Variants in DISC1 observed in about 807,000 individuals in gnomAD.
DISC1 encodes DISC1 scaffold protein, also known as disrupted in schizophrenia 1 protein.
DISC1 carries 57 observed loss-of-function variants against 84.5 expected under a neutral mutation model. That is an observed-to-expected ratio of 0.67 (90% CI 0.55 to 0.84). DISC1 has a LOEUF of 0.84. DISC1 is among the 40% of genes least tolerant of loss of function. DISC1 has a pLI of 0.00. For synonymous variants in DISC1, 411 were observed against 415.2 expected (o/e 0.99, Z 0.12); for missense variants, 1,000 against 1,057.8 (o/e 0.95, Z 0.76).
intron 8 of DISC1, among the ~76,000 whole-genome samples, chr1:231,812,657 C>A (rs765568906): frequency 6.6e-6 from 1 of 152,170 alleles, no homozygotes; most frequent in Non-Finnish European, 1.5e-5. Flanking sequence ...TATTGGGATG[C>A]CATAGGTGGC....
chr1:231,866,094 G>T (rs73094825), intron 9 of DISC1, among the ~76,000 whole-genome samples: 1,524 of 151,844 alleles, frequency 0.01, 30 homozygotes, highest in African/African-American at 0.035. Context: ...TCTGAGCCTG[G>T]TGTGTGTGTG....
chr1:231,802,425 C>A (rs954157702), intron 8 of DISC1, among the ~76,000 whole-genome samples: 1 of 152,072 alleles, frequency 6.6e-6, no homozygotes, highest in African/African-American at 2.4e-5. Context: ...TTTCTTGAGG[C>A]CTTCCTAGCC....
At chr1:231,696,806 G>C (rs964629041) in intron 2 of DISC1, among the ~76,000 whole-genome samples, 1 of 152,182 alleles carries the variant, frequency 6.6e-6, no homozygotes, top group African/African-American at 2.4e-5. Flanking sequence ...TCTAGCCTAG[G>C]TGTGTAATGG....
At chr1:231,990,503 G>C (rs1200491519) in intron 10 of DISC1, among the ~76,000 whole-genome samples, 1 of 152,112 alleles carries the variant, frequency 6.6e-6, no homozygotes, top group African/African-American at 2.4e-5. Context: ...GTGATTGTTG[G>C]CACTGCTCTT....
At chr1:231,950,860 CCCTT>C (rs577983718) in intron 9 of DISC1, among the ~76,000 whole-genome samples, 5 of 152,178 alleles carry the variant, frequency 3.3e-5, no homozygotes, top group Non-Finnish European at 7.3e-5. Flanking sequence ...TGCCCACTCT[CCCTT>C]CCTGTCTAAG....
intron 10 of DISC1, 55 bp downstream of exon 10, chr1:231,958,943 T>C: frequency 6.5e-7 from 1 of 1,543,328 alleles, no homozygotes; most frequent in Non-Finnish European, 8.7e-7. Flanking sequence ...GATTCTTTAT[T>C]ATAACAGAAT....
At chr1:231,941,707 G>A (rs535421258) in intron 9 of DISC1, among the ~76,000 whole-genome samples, 32 of 152,058 alleles carry the variant, frequency 2.1e-4, no homozygotes, top group Non-Finnish European at 3.7e-4. Context: ...TCTTGACCTC[G>A]TGATCTGCCT....
intron 10 of DISC1, among the ~76,000 whole-genome samples, chr1:232,007,793 G>A (rs821612): frequency 0.27 from 41,440 of 151,980 alleles, 5,900 homozygotes; most frequent in African/African-American, 0.29. Context: ...GATATGGTTA[G>A]GCTTTGTGTC....
At chr1:231,993,716 C>A (rs1487063245) in intron 10 of DISC1, among the ~76,000 whole-genome samples, 1 of 152,022 alleles carries the variant, frequency 6.6e-6, no homozygotes, top group African/African-American at 2.4e-5. Flanking sequence ...CCACAGAAAA[C>A]AAACAGGCCA....
At chr1:232,003,410 A>T (rs1305848996) in intron 10 of DISC1, among the ~76,000 whole-genome samples, 1 of 152,182 alleles carries the variant, frequency 6.6e-6, no homozygotes, top group Non-Finnish European at 1.5e-5. Flanking sequence ...AGAAGCAGTT[A>T]GAAAATTTAA....
chr1:231,977,521 G>C (rs1662982745), intron 10 of DISC1, among the ~76,000 whole-genome samples: 1 of 152,108 alleles, frequency 6.6e-6, no homozygotes, highest in Non-Finnish European at 1.5e-5. Flanking sequence ...TCACTCTTCT[G>C]CTTCCCTCTT....
chr1:231,845,092 G>C (rs2083360000), intron 9 of DISC1, among the ~76,000 whole-genome samples: 14 of 152,132 alleles, frequency 9.2e-5, no homozygotes, highest in Admixed American at 9.2e-4. Context: ...ATTATCAGAT[G>C]TAAGGTCTGT....
At chr1:231,979,095 G>A (rs922888571) in intron 10 of DISC1, among the ~76,000 whole-genome samples, 3 of 151,942 alleles carry the variant, frequency 2.0e-5, no homozygotes, top group Admixed American at 6.6e-5. Flanking sequence ...TGCACATGCC[G>A]GTGATCCAGG....
chr1:231,795,078 T>C (rs975566439), intron 6 of DISC1, among the ~76,000 whole-genome samples, 164 bp from the exon 7 acceptor site: 19 of 152,204 alleles, frequency 1.2e-4, no homozygotes, highest in African/African-American at 4.1e-4. Flanking sequence ...CCTAGCACCA[T>C]ATTTATTCCG....
At chr1:231,664,903 T>TAA (rs35686173) in intron 1 of DISC1, among the ~76,000 whole-genome samples, 13 of 147,384 alleles carry the variant, frequency 8.8e-5, no homozygotes, top group South Asian at 2.1e-4. Flanking sequence ...CCTAGAAATA[T>TAA]AAAAAAAAAA....
At chr1:231,971,891 C>G (rs180960759) in intron 10 of DISC1, among the ~76,000 whole-genome samples, 1 of 152,270 alleles carries the variant, frequency 6.6e-6, no homozygotes, top group African/African-American at 2.4e-5. Flanking sequence ...CAGTAGAAAT[C>G]ATACAATGAT....
At chr1:231,764,129 A>G (rs1256654428) in intron 4 of DISC1, among the ~76,000 whole-genome samples, 1 of 152,222 alleles carries the variant, frequency 6.6e-6, no homozygotes, top group Non-Finnish European at 1.5e-5. Context: ...AGGAGGGGAT[A>G]GCTTTAATTT....
intron 4 of DISC1, among the ~76,000 whole-genome samples, chr1:231,752,573 G>C (rs541693051): frequency 1.8e-4 from 28 of 152,262 alleles, no homozygotes; most frequent in African/African-American, 6.7e-4. Flanking sequence ...TGAGATTTGG[G>C]TGGGGACACA....
rs897747161 is a variant in DISC1 at position 231,683,413 on chromosome 1, G to A, written c.68-10413G>A. ...GATCTGAACCTCAGAATTTTTAAAA[G>A]ATACCACCATGATTTTTTTTTTTTT... On this transcript the variant is annotated intron_variant, in intron 1 of 12. Coordinates refer to ENST00000439617, the MANE Select transcript of DISC1 (RefSeq NM_018662.3). 6.8e-5 allele frequency among the ~76,000 whole-genome samples: 10 copies of A among 146,602 alleles called. No homozygotes were observed. The East Asian group carries it at 1.6e-3, about 24-fold the overall frequency.
Sources: allele counts gnomAD v4.1 joint callset (sites outside exome capture counted in the v4.1 genomes callset), GRCh38; gene constraint gnomAD v4.1.1; transcripts MANE v1.5; gene names NCBI Gene and HGNC (gene_info 2026-07-23, HGNC 2026-07-21).